Variants in ALPK3 observed in about 807,000 individuals in gnomAD.
ALPK3 encodes the protein alpha kinase 3.
ALPK3 carries 102 observed loss-of-function variants against 140.0 expected under a neutral mutation model. The observed-to-expected ratio is 0.73, with a 90% CI of 0.62 to 0.86. The LOEUF (loss-of-function observed/expected upper bound fraction) is 0.86, where lower values mean the gene tolerates loss of function less well. Ranked by LOEUF, ALPK3 falls within the 40% of genes least tolerant of loss-of-function variation. The probability of loss-of-function intolerance (pLI) is 0.00; values close to 1 mark genes in which losing one functional copy is unlikely to be tolerated. For missense variants in ALPK3, 2,254 were observed against 2,208.2 expected (o/e 1.02, Z -0.42); for synonymous variants, 938 against 898.5 (o/e 1.04, Z -0.79).
intron 9 of ALPK3, among the ~76,000 whole-genome samples, chr15:84,861,465 ATG>A (rs1963945011): frequency 6.6e-6 from 1 of 152,198 alleles, no homozygotes; most frequent in Non-Finnish European, 1.5e-5. Context: ...ACTTTTAGTA[ATG>A]TTAAGGTTGG....
rs1214064071 is a variant in ALPK3, at chr15:84,840,568, G to C, written c.1289G>C (p.Gly430Ala). 3.4e-5 allele frequency: 54 copies of C among 1,582,730 alleles called. No individual in the cohort carries two copies. In the East Asian group the frequency reaches 1.2e-3, roughly 35 times the overall value. Residue 430 changes from glycine (G) to alanine (A), a missense_variant, in exon 5 of 14, where the codon GGG becomes GCG. By Grantham distance (60) the Gly-to-Ala change is moderately conservative. Transcript: ENST00000258888. ...LENTQAVRPLGEEGPQTLSVR... is the reference protein window; with the variant it reads ...LENTQAVRPLAEEGPQTLSVR... ...AACACCCAGGCAGTCAGGCCTCTTG[G>C]GGAAGAGGGACCCCAGACCCTGAGT...
chr15:84,850,409 G>T (rs1427606651), intron 5 of ALPK3, among the ~76,000 whole-genome samples: 2 of 152,094 alleles, frequency 1.3e-5, no homozygotes, highest in African/African-American at 2.4e-5. Flanking sequence ...AAGAGACAGG[G>T]TCTTACTCTA....
At chr15:84,858,767 G>A (rs563352950) in intron 6 of ALPK3, among the ~76,000 whole-genome samples, 3 of 152,304 alleles carry the variant, frequency 2.0e-5, no homozygotes, top group Admixed American at 6.5e-5. Context: ...TAACAGTACC[G>A]CCTTTGCAAT....
At chr15:84,839,121 C>T (rs1428768583) in intron 4 of ALPK3, 24 bp downstream of exon 4, 1 of 1,579,288 alleles carries the variant, frequency 6.3e-7, no homozygotes, top group Non-Finnish European at 8.6e-7. Flanking sequence ...GCCTGTTTTG[C>T]TCTCTCTGCC....
In ALPK3 at chr15:84,840,727, T is replaced by A. The variant is rs1459523850; in HGVS notation, c.1448T>A (p.Phe483Tyr). 6.2e-7 allele frequency: 1 copy of A among 1,613,792 alleles called. No homozygotes were observed. The change falls in exon 5 of 14, where the codon TTT (phenylalanine) becomes TAT (tyrosine). Residue 483 changes from phenylalanine to tyrosine, a missense_variant. Physicochemically the swap from Phe to Tyr is conservative, Grantham distance 22 (BLOSUM62 3). Transcript: ENST00000258888. The part of the protein sequence containing the change: ...QPTRPFNRKR[F>Y]APPKPKGEAT... ...ACTAGGCCTTTCAACAGAAAGAGAT[T>A]TGCCCCTCCAAAGCCCAAAGGAGAG...
rs762887736 is a variant in ALPK3, at chr15:84,839,893, C to T, written c.614C>T (p.Ala205Val). The T allele has an allele frequency of 6.2e-7, 1 of 1,613,924 alleles. No individual in the cohort carries two copies. The highest frequency in any genetic ancestry group is 8.5e-7 in the Non-Finnish European group (1 of 1,179,912). Residue 205 changes from alanine (A) to valine (V), a missense_variant, in exon 5 of 14, where the codon GCG becomes GTG. By Grantham distance (64) the Ala-to-Val change is moderately conservative. This residue lies in a region of ALPK3 where 2,088 missense variants were observed against 2,022.9 expected (regional missense o/e 1.03). Coordinates refer to ENST00000258888, the MANE Select transcript of ALPK3 (RefSeq NM_020778.5). ...GAGCAGAGCTGGAAGCACGAGAAGG[C>T]GGTGCCTGGGGAGGTCGACACTCTG... ...EIEQSWKHEK[A>V]VPGEVDTLRK...
intron 7 of ALPK3, 110 bp downstream of exon 7, chr15:84,859,500 C>G (rs1963914840): frequency 7.1e-7 from 1 of 1,411,612 alleles, no homozygotes. Flanking sequence ...TCACAATAAC[C>G]AGGGGAGGTC....
chr15:84,817,707 C>T, intron 1 of ALPK3, 112 bp downstream of exon 1: 1 of 1,288,652 alleles, frequency 7.8e-7, no homozygotes, highest in Non-Finnish European at 9.9e-7. Context: ...CCCTCGAGCC[C>T]TCTCAGCCCC....
At chr15:84,837,456 C>T (rs991902069) in intron 3 of ALPK3, among the ~76,000 whole-genome samples, 7 of 152,180 alleles carry the variant, frequency 4.6e-5, no homozygotes, top group Admixed American at 4.6e-4. Flanking sequence ...TGCATTGCTG[C>T]CTTGTGCGGG....
intron 1 of ALPK3, among the ~76,000 whole-genome samples, chr15:84,822,257 T>C (rs1963435311): frequency 6.6e-6 from 1 of 152,024 alleles, no homozygotes; most frequent in Admixed American, 6.6e-5. Flanking sequence ...GAAGAAGTAG[T>C]CCAAGATGGC....
At position 84,840,070 on chromosome 15, in the gene ALPK3, G is replaced by C. The variant is rs747849453; in HGVS notation, c.791G>C (p.Gly264Ala). 2 of 1,614,122 alleles carry C rather than the reference G, an allele frequency of 1.2e-6. No homozygotes were observed. The highest frequency in any genetic ancestry group is 2.2e-5 in the South Asian group (2 of 91,072). Residue 264 changes from glycine (G) to alanine (A), a missense_variant, in exon 5 of 14, where the codon GGC becomes GCC. Transcript: ENST00000258888. ...ETETAQHSGL[G>A]LINSFASGEV... ...GAGACTGCTCAGCACTCAGGTTTGG[G>C]CCTGATCAACAGTTTTGCTTCTGGA...
At chr15:84,866,628 A>G (rs570140398) in intron 12 of ALPK3, among the ~76,000 whole-genome samples, 16 of 152,230 alleles carry the variant, frequency 1.1e-4, no homozygotes, top group Non-Finnish European at 2.1e-4. Flanking sequence ...TTTTTTCTCT[A>G]TCATCATTTT....
intron 4 of ALPK3, 65 bp from the exon 5 acceptor site, chr15:84,839,637 T>TG: frequency 6.6e-7 from 1 of 1,523,178 alleles, no homozygotes; most frequent in Non-Finnish European, 8.8e-7. Context: ...CGGCTCTGGC[T>TG]GGGGGGTGTG....
At chr15:84,863,211 T>G (rs2141573048) in intron 10 of ALPK3, among the ~76,000 whole-genome samples, 1 of 152,170 alleles carries the variant, frequency 6.6e-6, no homozygotes, top group East Asian at 1.9e-4. Flanking sequence ...CTTGTTTATA[T>G]GTGAGATAAA....
At chr15:84,834,411 A>G (rs906821763) in intron 3 of ALPK3, among the ~76,000 whole-genome samples, 3 of 152,200 alleles carry the variant, frequency 2.0e-5, no homozygotes, top group African/African-American at 7.2e-5. Context: ...TCGTCCTTAA[A>G]TTGGAGATTA....
chr15:84,835,193 T>G (rs745758178), intron 3 of ALPK3, among the ~76,000 whole-genome samples: 11 of 152,202 alleles, frequency 7.2e-5, no homozygotes, highest in Non-Finnish European at 1.6e-4. Flanking sequence ...GATGAGATCA[T>G]CTCACAGGAT....
At chr15:84,823,585 G>T (rs949214487) in intron 2 of ALPK3, among the ~76,000 whole-genome samples, 3 of 152,130 alleles carry the variant, frequency 2.0e-5, no homozygotes, top group African/African-American at 7.2e-5. Context: ...ATGGGCACAG[G>T]ATCTCAGGAA....
Position 84,857,112 on chromosome 15 carries a change from G to A in ALPK3, c.2374G>A (p.Gly792Ser). 1 of 1,614,146 alleles carries A rather than the reference G, an allele frequency of 6.2e-7. No individual in the cohort carries two copies. ...ASRNHEQTVL[G>S]PLSGNLMLPA... is the part of the protein sequence containing the mutation. Reference sequence around the variant, plus strand: ...CAGGAACCATGAGCAAACTGTGCTGGGTCCCCTGTCAGGGAACCTCATGCT... The same window carrying A: ...CAGGAACCATGAGCAAACTGTGCTGAGTCCCCTGTCAGGGAACCTCATGCT... Residue 792 changes from glycine (G) to serine (S), a missense_variant, in exon 6 of 14, where the codon GGT becomes AGT. Gly to Ser is a moderately conservative substitution (Grantham distance 56). Transcript: ENST00000258888.
At chr15:84,856,244 C>G (rs1439564512) in intron 5 of ALPK3, 148 bp from the exon 6 acceptor site, 1 of 1,173,014 alleles carries the variant, frequency 8.5e-7, no homozygotes, top group African/African-American at 1.5e-5. Context: ...GTCTTTGCCT[C>G]CCAACTTCCA....
Sources: gnomAD v4.1 joint callset for allele counts (sites outside exome capture counted in the v4.1 genomes callset) on GRCh38, gnomAD v4.1.1 for gene constraint, gnomAD v4.1.1 regional missense constraint, MANE v1.5 for transcripts, NCBI Gene and HGNC (gene_info 2026-07-23, HGNC 2026-07-21) for gene names.